DEFB115: variants seen among roughly 807,000 people sequenced by gnomAD.
The protein encoded by DEFB115 is defensin beta 115.
A neutral mutation model predicts 8.8 loss-of-function variants in DEFB115; 7 were observed. That is an observed-to-expected ratio of 0.79 (90% CI 0.45 to 1.49). The LOEUF (loss-of-function observed/expected upper bound fraction) is 1.49, where lower values mean the gene tolerates loss of function less well. Among genes scored for constraint, DEFB115 ranks in the 40% most tolerant of loss-of-function variants. The pLI is 0.01. For synonymous variants in DEFB115, 62 were observed against 37.6 expected, an observed-to-expected ratio of 1.65 and a Z score of -2.37; for missense variants, 143 against 99.4, an observed-to-expected ratio of 1.44 and a Z score of -1.86.
At position 31,259,522 on chromosome 20, in the gene DEFB115, G is replaced by A. The variant is rs1179115298; in HGVS notation, c.157G>A (p.Glu53Lys). ...GRCRKSCKEIERKKEKCGEKH... is the reference protein window; with the variant it reads ...GRCRKSCKEIKRKKEKCGEKH... The stretch of plus-strand genomic sequence containing the variant: ...ATGCAGGAAATCATGCAAAGAAATT[G>A]AGAGGAAGAAAGAAAAATGTGGGGA... Residue 53 changes from glutamate to lysine, a missense_variant, in exon 2 of 2, where the codon GAG (glutamate) becomes AAG (lysine). Coordinates refer to ENST00000400552, the MANE Select transcript of DEFB115 (RefSeq NM_001037730.1). The A allele has an allele frequency of 1.2e-6, 2 of 1,613,348 alleles. No homozygotes were observed. The highest frequency in any genetic ancestry group is 1.7e-5 in the Admixed American group (1 of 59,872).
chr20:31,258,764 T>C (rs946544092), intron 1 of DEFB115, among the ~76,000 whole-genome samples: 1 of 152,160 alleles, frequency 6.6e-6, no homozygotes, highest in Non-Finnish European at 1.5e-5. Flanking sequence ...AATTAGGAAT[T>C]ATCTCCCAGA....
In DEFB115 at chr20:31,257,737, T is replaced by A. The variant is rs1983793051; in HGVS notation, c.74T>A (p.Val25Asp). 5.0e-6 allele frequency: 8 copies of A among 1,613,900 alleles called. No homozygotes were observed. The African/African-American group carries it at 5.3e-5, about 11-fold the overall frequency. The change falls in exon 1 of 2, where the codon GTC becomes GAC. Residue 25 changes from valine (V) to aspartate (D), a missense_variant. By Grantham distance (152) the Val-to-Asp change is radical. Transcript: ENST00000400552. ...GTCCTGGCCTTAGTTGTCCTTGTGG[T>A]CCTGGCTCAGACTGCCCCAGGTAAA... ...LSVLALVVLV[V>D]LAQTAPDGWI...
intron 1 of DEFB115, among the ~76,000 whole-genome samples, chr20:31,258,541 C>G (rs1983815025): frequency 6.6e-6 from 1 of 152,144 alleles, no homozygotes. Flanking sequence ...CTCAGTTGTT[C>G]TAGAAGCAAA....
Position 31,259,601 on chromosome 20 carries a change from AC to A in DEFB115, c.238del (p.Gln80LysfsTer?), listed in dbSNP as rs747962255. On this transcript the variant is annotated frameshift_variant, in exon 2 of 2. Transcript: ENST00000400552. LOFTEE classifies it high-confidence loss of function. Reference protein sequence around the residue: ...KEKDKLSHIHDQKETSELYI With the variant: ...KEKDKLSHIHXQKETSELYI The stretch of plus-strand genomic sequence containing the variant: ...AAGGATAAACTATCACACATTCACG[AC>A]CAAAAAGAGACAAGTGAGCTATATA... 2 of 1,607,728 alleles carry A rather than the reference AC, an allele frequency of 1.2e-6. No individual in the cohort carries two copies. The highest frequency in any genetic ancestry group is 3.4e-5 in the Admixed American group (2 of 58,636).
intron 1 of DEFB115, among the ~76,000 whole-genome samples, chr20:31,259,157 C>T (rs1010527111): frequency 1.3e-5 from 2 of 152,098 alleles, no homozygotes; most frequent in African/African-American, 2.4e-5. Context: ...AAGGCTTAGT[C>T]CCACTCCCTG....
chr20:31,259,324 A>G (rs1983839555), intron 1 of DEFB115, 136 bp from the exon 2 acceptor site: 1 of 871,348 alleles, frequency 1.1e-6, no homozygotes, highest in Admixed American at 3.5e-5. Context: ...CAAATTTATA[A>G]CATTCCCATG....
chr20:31,259,332 A>C (rs972717413), intron 1 of DEFB115, 128 bp from the exon 2 acceptor site: 1 of 939,242 alleles, frequency 1.1e-6, no homozygotes, highest in African/African-American at 1.7e-5. Flanking sequence ...TAACATTCCC[A>C]TGAATGCCTT....
chr20:31,257,819 A>AC, intron 1 of DEFB115, 62 bp downstream of exon 1: 1 of 1,446,826 alleles, frequency 6.9e-7, no homozygotes, highest in South Asian at 1.1e-5. Context: ...CCACAGAATC[A>AC]CTGGAAAATT....
chr20:31,258,071 T>C (rs1323131121), intron 1 of DEFB115, among the ~76,000 whole-genome samples: 1 of 152,184 alleles, frequency 6.6e-6, no homozygotes, highest in Non-Finnish European at 1.5e-5. Flanking sequence ...GTCAACAGTC[T>C]CATCCTGTGA....
rs1357455088 is a variant in DEFB115 at position 31,259,482 on chromosome 20, T to C, written c.117T>C (p.Tyr39=). The C allele has an allele frequency of 2.5e-6, 4 of 1,611,856 alleles. No homozygotes were observed. In the African/African-American group the frequency reaches 5.3e-5, roughly 22 times the overall value. ...TAPDGWIRRC[Y]YGTGRCRKSC... is the part of the protein sequence containing the mutation. ...TAGATGGATGGATCAGAAGGTGCTA[T>C]TATGGAACTGGCAGATGCAGGAAAT... is the stretch of plus-strand genomic sequence containing the variant. Residue 39 remains tyrosine (Y), a synonymous_variant, in exon 2 of 2, where the codon TAT becomes TAC. Coordinates refer to ENST00000400552, the MANE Select transcript of DEFB115 (RefSeq NM_001037730.1).
At chr20:31,258,180 T>G (rs1186282348) in intron 1 of DEFB115, among the ~76,000 whole-genome samples, 1 of 152,184 alleles carries the variant, frequency 6.6e-6, no homozygotes, top group Admixed American at 6.5e-5. Context: ...GAGTGCTCCT[T>G]TAAAGCAGGC....
In DEFB115 at chr20:31,259,052, C is replaced by A. The variant is rs529963901; in HGVS notation, c.95-408C>A. ...TGCTTTAAACAACCCCTGGGGCAAG[C>A]ACCCCTAGAACAAACAATGCCTGGC... On this transcript the variant is annotated intron_variant, in intron 1 of 1. Coordinates refer to ENST00000400552, the MANE Select transcript of DEFB115 (RefSeq NM_001037730.1). 1.3e-4 allele frequency among the ~76,000 whole-genome samples: 20 copies of A among 152,216 alleles called. No homozygotes were observed. The South Asian group carries it at 4.2e-3, about 32-fold the overall frequency.
Position 31,257,822 on chromosome 20 carries a change from G to A in DEFB115, c.94+65G>A, listed in dbSNP as rs564672544. On this transcript the variant is annotated intron_variant, in intron 1 of 1. Coordinates refer to ENST00000400552, the MANE Select transcript of DEFB115 (RefSeq NM_001037730.1). ...ATGGGGTCCTAACCACAGAATCACTGGAAAATTGAACATGTGTAGAAGCAA... is the reference window on the plus strand; with the variant it reads ...ATGGGGTCCTAACCACAGAATCACTAGAAAATTGAACATGTGTAGAAGCAA... 106 of 1,429,674 alleles carry A rather than the reference G, an allele frequency of 7.4e-5. No homozygotes were observed. The South Asian group carries it at 1.1e-3, about 15-fold the overall frequency. The allele number at this position is 1,429,674 out of a possible 1,614,324, so 88.6% of individuals were successfully genotyped here. A position where few individuals can be genotyped will look rare whatever the true frequency, so the allele number is the denominator to read the frequency against.
chr20:31,259,544 G>C lies in DEFB115; in HGVS notation c.179G>C (p.Gly60Ala), dbSNP rs1180483001. The change falls in exon 2 of 2, where the codon GGG (glycine) becomes GCG (alanine). Residue 60 changes from glycine (G) to alanine (A), a missense_variant. By Grantham distance (60) the Gly-to-Ala change is moderately conservative (BLOSUM62 0). Transcript: ENST00000400552. ...ATTGAGAGGAAGAAAGAAAAATGTG[G>C]GGAAAAACATATTTGCTGTGTCCCT... ...KEIERKKEKC[G>A]EKHICCVPKE... The C allele has an allele frequency of 6.2e-7, 1 of 1,612,564 alleles. No individual in the cohort carries two copies. Among genetic ancestry groups the C allele is most frequent in the African/African-American group, 1.3e-5 (1 of 74,742 alleles).
At chr20:31,259,169 C>G (rs1042555495) in intron 1 of DEFB115, among the ~76,000 whole-genome samples, 1 of 152,078 alleles carries the variant, frequency 6.6e-6, no homozygotes, top group Non-Finnish European at 1.5e-5. Context: ...CACTCCCTGG[C>G]AAGCATCTAG....
At position 31,258,606 on chromosome 20, in the gene DEFB115, C is replaced by T. The variant is rs115859722; in HGVS notation, c.94+849C>T. 7.6e-3 allele frequency among the ~76,000 whole-genome samples: 1,153 copies of T among 152,132 alleles called. 15 individuals carry two copies. Among genetic ancestry groups the T allele is most frequent in the African/African-American group, 0.026 (1,075 of 41,492 alleles). ...GGCTTGAGCATGCCTTATGTTCCAG[C>T]GAGGGCAAGTAGAATAGAGGGAGTT... On this transcript the variant is annotated intron_variant, in intron 1 of 1. Coordinates refer to ENST00000400552, the MANE Select transcript of DEFB115 (RefSeq NM_001037730.1).
intron 1 of DEFB115, 46 bp from the exon 2 acceptor site, chr20:31,259,414 T>C (rs780948581): frequency 1.3e-5 from 20 of 1,497,618 alleles, no homozygotes; most frequent in Non-Finnish European, 1.6e-5. Context: ...ATTGTATTTA[T>C]TTTTCAAATG....
At chr20:31,258,307 A>T (rs1054675585) in intron 1 of DEFB115, among the ~76,000 whole-genome samples, 9 of 152,200 alleles carry the variant, frequency 5.9e-5, no homozygotes, top group Non-Finnish European at 1.0e-4. Context: ...TTACAGCAGA[A>T]GATTTTGGCT....
rs557198335 is a variant in DEFB115 at position 31,258,832 on chromosome 20, TG to T, written c.95-627del. On this transcript the variant is annotated intron_variant, in intron 1 of 1. Coordinates refer to ENST00000400552, the MANE Select transcript of DEFB115 (RefSeq NM_001037730.1). Reference sequence around the variant, plus strand: ...ATCTGTAGTTTAGATTAAGATATAATGATCCCTCAAATGAATCCAATGTGCT... The same window carrying T: ...ATCTGTAGTTTAGATTAAGATATAATATCCCTCAAATGAATCCAATGTGCT... Among the ~76,000 whole-genome samples, 6 of 152,258 alleles carry T rather than the reference TG, an allele frequency of 3.9e-5. No individual in the cohort carries two copies. In the South Asian group the frequency reaches 1.2e-3, roughly 32 times the overall value.
Sources: gnomAD v4.1 joint callset for allele counts (sites outside exome capture counted in the v4.1 genomes callset) on GRCh38, gnomAD v4.1.1 for gene constraint, MANE v1.5 for transcripts, NCBI Gene and HGNC (gene_info 2026-07-23, HGNC 2026-07-21) for gene names.